Variants in SHQ1 observed in about 807,000 individuals in gnomAD.
SHQ1 encodes protein SHQ1 homolog.
SHQ1 carries 49 observed loss-of-function variants against 53.8 expected under a neutral mutation model. That is an observed-to-expected ratio of 0.91 (90% CI 0.72 to 1.16). SHQ1 has a LOEUF of 1.16. SHQ1 is among the 50% of genes most tolerant of loss of function. The pLI, the probability that SHQ1 is intolerant of heterozygous loss-of-function variation, is 0.00. For missense variants in SHQ1, 738 were observed against 683.1 expected (o/e 1.08, Z -0.90); for synonymous variants, 243 against 251.0 (o/e 0.97, Z 0.30).
intron 10 of SHQ1, among the ~76,000 whole-genome samples, chr3:72,785,986 A>C (rs1275894289): frequency 1.3e-5 from 2 of 152,098 alleles, no homozygotes; most frequent in African/African-American, 4.8e-5. Context: ...CTTCTCTCCC[A>C]AACTACACCT....
chr3:72,773,558 C>T (rs1575684072), intron 10 of SHQ1: 1 of 208,950 alleles, frequency 4.8e-6, no homozygotes, highest in South Asian at 8.3e-5. Context: ...AACTGTCAGA[C>T]TGGCACTACT....
intron 10 of SHQ1, among the ~76,000 whole-genome samples, chr3:72,766,878 T>G (rs1470211057): frequency 6.6e-6 from 1 of 152,166 alleles, no homozygotes; most frequent in Non-Finnish European, 1.5e-5. Flanking sequence ...GGAAACGTGC[T>G]GTCCAATATG....
At chr3:72,746,727 T>A (rs961703310), downstream of SHQ1, among the ~76,000 whole-genome samples, 3 of 152,166 alleles carry the variant, frequency 2.0e-5, no homozygotes, top group African/African-American at 7.2e-5. Flanking sequence ...CTGAAGTAGA[T>A]CCTGTCAAGA....
chr3:72,734,044 C>T, the SHQ1 span, among the ~76,000 whole-genome samples: 1 of 151,034 alleles, frequency 6.6e-6, no homozygotes, highest in Non-Finnish European at 1.5e-5. Context: ...GCCTGTAGTC[C>T]TAGCTACTCA....
chr3:72,777,997 A>G (rs1705992599), intron 10 of SHQ1, among the ~76,000 whole-genome samples: 1 of 152,246 alleles, frequency 6.6e-6, no homozygotes, highest in Non-Finnish European at 1.5e-5. Context: ...AAAAGAAAGC[A>G]AAGCTAAAAA....
chr3:72,762,927 A>G (rs1705641391), intron 10 of SHQ1, among the ~76,000 whole-genome samples: 1 of 145,838 alleles, frequency 6.9e-6, no homozygotes, highest in African/African-American at 2.6e-5. Flanking sequence ...CATCTGCCTC[A>G]GCCTCCCAAA....
chr3:72,727,491 G>C, the SHQ1 span, among the ~76,000 whole-genome samples: 7 of 152,216 alleles, frequency 4.6e-5, no homozygotes, highest in African/African-American at 1.7e-4. Context: ...GAGGCAGAAA[G>C]TGAAGAGAAG....
intron 9 of SHQ1, among the ~76,000 whole-genome samples, chr3:72,806,454 AAGTTC>A (rs1433197982): frequency 6.6e-6 from 1 of 152,214 alleles, no homozygotes; most frequent in African/African-American, 2.4e-5. Flanking sequence ...CAGAAAAAAA[AAGTTC>A]AAGAACAATT....
chr3:72,749,230 C>T (rs895181610), downstream of SHQ1: 3 of 204,670 alleles, frequency 1.5e-5, no homozygotes, highest in Admixed American at 1.2e-4. Context: ...TCATTCCACT[C>T]TCAGGTATTT....
At chr3:72,824,363 T>C (rs1707579501) in intron 6 of SHQ1, 61 bp downstream of exon 6, 2 of 1,582,816 alleles carry the variant, frequency 1.3e-6, no homozygotes, top group Non-Finnish European at 1.7e-6. Context: ...TGGAAGGCAG[T>C]AAACGTGGTA....
Position 72,824,444 on chromosome 3 carries a change from T to G in SHQ1, c.707A>C (p.Gln236Pro), listed in dbSNP as rs1260154534. The G allele has an allele frequency of 3.1e-6, 5 of 1,611,466 alleles. No individual in the cohort carries two copies. The highest frequency in any genetic ancestry group is 4.2e-6 in the Non-Finnish European group (5 of 1,179,610). ...MMAFLEKSQEQENHATLVSFS... is the reference protein window; with the variant it reads ...MMAFLEKSQEPENHATLVSFS... ...CTTACCTAATGTAGCATGATTTTCT[T>G]GTTCCTGACTCTTTTCCAAAAAGGC... is the stretch of plus-strand genomic sequence containing the variant. Residue 236 changes from glutamine (Q) to proline (P), a missense_variant, in exon 6 of 11, where the codon CAA becomes CCA. Coordinates refer to ENST00000325599, the MANE Select transcript of SHQ1 (RefSeq NM_018130.3).
chr3:72,750,696 G>A lies in SHQ1; in HGVS notation c.1322C>T (p.Ser441Leu), dbSNP rs200070660. Residue 441 changes from serine (S) to leucine (L), a missense_variant, in exon 11 of 11, where the codon TCA becomes TTA. By Grantham distance (145) the Ser-to-Leu change is moderately radical (BLOSUM62 -2). Transcript: ENST00000325599. ...EEETALKAAHSVSGQQTLCSS... is the reference protein window; with the variant it reads ...EEETALKAAHLVSGQQTLCSS... ...GCAAAGTGTCTGCTGCCCAGAAACT[G>A]AATGGGCTGCTTTTAATGCAGTTTC... is the stretch of plus-strand genomic sequence containing the variant. 2.6e-5 allele frequency: 41 copies of A among 1,594,368 alleles called. No homozygotes were observed. Among genetic ancestry groups the A allele is most frequent in the Non-Finnish European group, 3.4e-5 (40 of 1,169,308 alleles).
At chr3:72,745,723 T>C (rs1030100280), downstream of SHQ1, among the ~76,000 whole-genome samples, 1 of 151,308 alleles carries the variant, frequency 6.6e-6, no homozygotes, top group African/African-American at 2.5e-5. Context: ...CTTTCCAGTT[T>C]ATAAAAGTGC....
At chr3:72,791,649 T>C (rs1706440517) in intron 10 of SHQ1, among the ~76,000 whole-genome samples, 1 of 152,248 alleles carries the variant, frequency 6.6e-6, no homozygotes. Context: ...ACAATTGACA[T>C]TGTAGCTATC....
chr3:72,816,454 C>G (rs1282702441), intron 7 of SHQ1, among the ~76,000 whole-genome samples: 1 of 152,028 alleles, frequency 6.6e-6, no homozygotes, highest in Admixed American at 6.5e-5. Flanking sequence ...CAAAAATAAC[C>G]TTTTGAGCAA....
At chr3:72,734,581 T>C in the SHQ1 span, among the ~76,000 whole-genome samples, 2 of 151,528 alleles carry the variant, frequency 1.3e-5, no homozygotes, top group African/African-American at 4.9e-5. Context: ...TTAATAGTAG[T>C]AGTAGTCATA....
intron 8 of SHQ1, among the ~76,000 whole-genome samples, chr3:72,814,812 A>C (rs1427441349): frequency 6.6e-6 from 1 of 152,222 alleles, no homozygotes; most frequent in Non-Finnish European, 1.5e-5. Flanking sequence ...AAATGTAACC[A>C]GACTACATTT....
chr3:72,829,082 C>T (rs1707753928), intron 5 of SHQ1, among the ~76,000 whole-genome samples: 1 of 151,448 alleles, frequency 6.6e-6, no homozygotes, highest in African/African-American at 2.4e-5. Context: ...AATGGTACAA[C>T]TTCAGGATTG....
At position 72,802,233 on chromosome 3, in the gene SHQ1, C is replaced by A. The variant is rs17010151; in HGVS notation, c.1061-9197G>T. Among the ~76,000 whole-genome samples, 200 of 152,332 alleles carry A rather than the reference C, an allele frequency of 1.3e-3. 1 individual carries two copies. Among genetic ancestry groups the A allele is most frequent in the African/African-American group, 4.6e-3 (190 of 41,580 alleles). On this transcript the variant is annotated intron_variant, in intron 9 of 10. Coordinates refer to ENST00000325599, the MANE Select transcript of SHQ1 (RefSeq NM_018130.3). ...TGAAGCACCTGCCCACATATTCCTTCCTCCTCGGTGCCGTGGCTAGCACTC... is the reference window on the plus strand; with the variant it reads ...TGAAGCACCTGCCCACATATTCCTTACTCCTCGGTGCCGTGGCTAGCACTC...
Sources: gnomAD v4.1 joint callset for allele counts (sites outside exome capture counted in the v4.1 genomes callset) on GRCh38, gnomAD v4.1.1 for gene constraint, MANE v1.5 for transcripts, NCBI Gene and HGNC (gene_info 2026-07-23, HGNC 2026-07-21) for gene names.